The following ATXN2 variants were observed in gnomAD, a reference collection of about 807,000 sequenced individuals.
ATXN2 encodes ataxin-2.
ATXN2 carries 37 observed loss-of-function variants against 138.6 expected under a neutral mutation model. The observed-to-expected ratio is 0.27, with a 90% CI of 0.21 to 0.35. The LOEUF (loss-of-function observed/expected upper bound fraction) is 0.35. Ranked by LOEUF, ATXN2 falls within the 10% of genes least tolerant of loss-of-function variation. The probability of loss-of-function intolerance (pLI) is 1.00; values close to 1 mark genes in which losing one functional copy is unlikely to be tolerated. For missense variants in ATXN2, 1,216 were observed against 1,480.3 expected (o/e 0.82, Z 2.93); for synonymous variants, 549 against 543.7 (o/e 1.01, Z -0.13).
At chr12:111,585,587 C>G (rs1271476532) in intron 1 of ATXN2, among the ~76,000 whole-genome samples, 1 of 151,720 alleles carries the variant, frequency 6.6e-6, no homozygotes, top group East Asian at 1.9e-4. Context: ...GGCGGATCAC[C>G]TGAGGTCAGG....
rs746434226 is a variant in ATXN2 at position 111,552,258 on chromosome 12, T to A, written c.571+22A>T. 1 of 1,571,424 alleles carries A rather than the reference T, an allele frequency of 6.4e-7. No individual in the cohort carries two copies. ...AATAAATCTAATAAACCATGAGGCA[T>A]ATTTAGGAAATCAAAACCCACCTCT... On this transcript the variant is annotated intron_variant, in intron 5 of 24. Coordinates refer to ENST00000673436, the MANE Select transcript of ATXN2 (RefSeq NM_001372574.1). The surrounding 1 kb of genome is among the most constrained non-coding windows in gnomAD (Gnocchi z 4.1).
In ATXN2 at chr12:111,457,327, G is replaced by A. The variant is rs1470315811; in HGVS notation, c.2929C>T (p.His977Tyr). The A allele has an allele frequency of 1.9e-6, 3 of 1,613,694 alleles. No homozygotes were observed. The highest frequency in any genetic ancestry group is 2.5e-6 in the Non-Finnish European group (3 of 1,179,832). The part of the protein sequence containing the change: ...STGSLAQQYA[H>Y]PNATLHPHTP... The stretch of plus-strand genomic sequence containing the variant: ...TGTGGGTGCAGGGTAGCGTTAGGGT[G>A]CGCATACTGCTGAGCAAGGGAGCCC... The change falls in exon 22 of 25, where the codon CAC (histidine) becomes TAC (tyrosine). Residue 977 changes from histidine (H) to tyrosine (Y), a missense_variant. Around this residue, in one of 4 missense-constraint regions of ATXN2, gnomAD observed 490 missense variants for 653.5 expected, o/e 0.75. Transcript: ENST00000673436.
At position 111,599,308 on chromosome 12, in the gene ATXN2, C is replaced by A. The variant is rs1426372064; in HGVS notation, c.-274G>T. ...CAAAACAGTCTGAGGCGGAGGGAGG[C>A]GAGCTCTGCCGGGAGGGAGGGGGGC... On this transcript the variant is annotated 5_prime_UTR_variant, in exon 1 of 25. Coordinates refer to ENST00000673436, the MANE Select transcript of ATXN2 (RefSeq NM_001372574.1). The A allele has an allele frequency of 1.0e-6, 1 of 954,984 alleles. No homozygotes were observed. Among genetic ancestry groups the A allele is most frequent in the African/African-American group, 2.3e-5 (1 of 43,854 alleles). 59.2% of individuals were successfully genotyped at this position (954,984 alleles called of 1,614,324 possible).
At position 111,516,512 on chromosome 12, in the gene ATXN2, A is replaced by G. The variant is rs2135737062; in HGVS notation, c.1166-149T>C. 1 of 787,858 alleles carries G rather than the reference A, an allele frequency of 1.3e-6. No homozygotes were observed. Among genetic ancestry groups the G allele is most frequent in the South Asian group, 1.9e-5 (1 of 52,334 alleles). The allele number at this position is 787,858 out of a possible 1,614,324, so 48.8% of individuals were successfully genotyped here. On this transcript the variant is annotated intron_variant, in intron 9 of 24. Transcript: ENST00000673436. The surrounding 1 kb of genome is among the most constrained non-coding windows in gnomAD (Gnocchi z 5.0). ...AGTCATTTGATTTGTGATAAGTTTT[A>G]GCATAACTTAACTGACATAAATTCA... is the stretch of plus-strand genomic sequence containing the variant.
intron 19 of ATXN2, 146 bp from the exon 20 acceptor site, chr12:111,470,386 C>T (rs1876324713): frequency 2.5e-6 from 3 of 1,210,456 alleles, no homozygotes; most frequent in Non-Finnish European, 3.4e-6. Context: ...TTCCTCTGAA[C>T]CTCTTACAAT....
upstream of ATXN2, chr12:111,599,512 C>A (rs1287179400): frequency 8.2e-7 from 1 of 1,212,892 alleles, no homozygotes; most frequent in Non-Finnish European, 1.0e-6. Flanking sequence ...CCGCTGAGCG[C>A]ATCGGAGGGC....
intron 1 of ATXN2, among the ~76,000 whole-genome samples, chr12:111,587,724 G>A (rs1884415467): frequency 6.6e-6 from 1 of 152,024 alleles, no homozygotes; most frequent in South Asian, 2.1e-4. Context: ...TCAAGGCAAT[G>A]GTTTCAGGAG....
intron 1 of ATXN2, chr12:111,581,563 G>A: frequency 1.1e-6 from 1 of 901,322 alleles, no homozygotes; most frequent in Non-Finnish European, 1.9e-6. Flanking sequence ...TCTGGTCCCT[G>A]TTCAACACCC....
intron 10 of ATXN2, among the ~76,000 whole-genome samples, chr12:111,515,490 G>A (rs1044766542): frequency 6.6e-6 from 1 of 152,074 alleles, no homozygotes; most frequent in Non-Finnish European, 1.5e-5. Context: ...TCTTATTTTT[G>A]ACGAGGAAAG....
intron 14 of ATXN2, among the ~76,000 whole-genome samples, chr12:111,490,957 G>A (rs1429188332): frequency 2.6e-5 from 4 of 152,090 alleles, no homozygotes; most frequent in African/African-American, 9.7e-5. Context: ...CCATCCCAGT[G>A]ATTAGAATCT....
In ATXN2 at chr12:111,516,923, T is replaced by G. The variant is rs1171960152; in HGVS notation, c.1166-560A>C. On this transcript the variant is annotated intron_variant, in intron 9 of 24. Coordinates refer to ENST00000673436, the MANE Select transcript of ATXN2 (RefSeq NM_001372574.1). This position sits in a 1 kb window ranked among gnomAD's most constrained non-coding sequence, Gnocchi z 5.0. ...TCTTATTAAGCAAGTCCCATTTAAG[T>G]AGAAATAAAACATTACTCTTCTAGA... Among the ~76,000 whole-genome samples the G allele has an allele frequency of 6.6e-6, 1 of 152,174 alleles. No individual in the cohort carries two copies. Among genetic ancestry groups the G allele is most frequent in the African/African-American group, 2.4e-5 (1 of 41,452 alleles).
chr12:111,490,291 T>TA (rs1877938877), intron 14 of ATXN2, among the ~76,000 whole-genome samples: 1 of 151,830 alleles, frequency 6.6e-6, no homozygotes, highest in African/African-American at 2.4e-5. Flanking sequence ...GGGCAGTCTA[T>TA]ACGGAATTTT....
At chr12:111,519,727 T>G in intron 8 of ATXN2, 152 bp downstream of exon 8, 1 of 1,368,878 alleles carries the variant, frequency 7.3e-7, no homozygotes, top group South Asian at 1.5e-5. Context: ...AAGATCACCA[T>G]AACCTTTTCT....
rs1274615482 is a variant in ATXN2, at chr12:111,456,048, T to G, written c.3251A>C (p.His1084Pro). 1 of 1,614,076 alleles carries G rather than the reference T, an allele frequency of 6.2e-7. No individual in the cohort carries two copies. The highest frequency in any genetic ancestry group is 1.7e-5 in the Admixed American group (1 of 59,994). ...HVQPAYTNPPHMAHVPQAHVQ... is the reference protein window; with the variant it reads ...HVQPAYTNPPPMAHVPQAHVQ... ...TATTACCTGAGGTACGTGGGCCATGTGGGGTGGGTTGGTATACGCCGGCTG... is the reference window on the plus strand; with the variant it reads ...TATTACCTGAGGTACGTGGGCCATGGGGGGTGGGTTGGTATACGCCGGCTG... Residue 1084 changes from histidine (H) to proline (P), a missense_variant, in exon 23 of 25, where the codon CAC becomes CCC. Transcript: ENST00000673436.
chr12:111,497,261 G>A (rs1272022972), intron 14 of ATXN2, among the ~76,000 whole-genome samples: 1 of 152,164 alleles, frequency 6.6e-6, no homozygotes, highest in Non-Finnish European at 1.5e-5. Flanking sequence ...GAAAAGCCAT[G>A]GACCTGATGG....
At chr12:111,585,647 A>C (rs1205482300) in intron 1 of ATXN2, among the ~76,000 whole-genome samples, 2 of 151,884 alleles carry the variant, frequency 1.3e-5, no homozygotes, top group Admixed American at 1.3e-4. Flanking sequence ...TCTACTAAAA[A>C]TACAAAAATT....
At chr12:111,541,731 A>C (rs192143485) in intron 5 of ATXN2, among the ~76,000 whole-genome samples, 3 of 149,054 alleles carry the variant, frequency 2.0e-5, no homozygotes, top group South Asian at 4.3e-4. Context: ...TAATACACAT[A>C]ATCTAATAAG....
At position 111,518,383 on chromosome 12, in the gene ATXN2, A is replaced by G. The variant is rs1879971647; in HGVS notation, c.1031T>C (p.Ile344Thr). 4 of 1,612,716 alleles carry G rather than the reference A, an allele frequency of 2.5e-6. No homozygotes were observed. The South Asian group carries it at 4.4e-5, about 18-fold the overall frequency. The change falls in exon 9 of 25, where the codon ATA becomes ACA. Residue 344 changes from isoleucine (I) to threonine (T), a missense_variant. Around this residue, in one of 4 missense-constraint regions of ATXN2, gnomAD observed 401 missense variants for 528.1 expected, o/e 0.76. Coordinates refer to ENST00000673436, the MANE Select transcript of ATXN2 (RefSeq NM_001372574.1). ...IPPGQRNREVISWGSGRQNSP... is the reference protein window; with the variant it reads ...IPPGQRNREVTSWGSGRQNSP... ...ATTCTGTCTCCCACTTCCCCAGGAT[A>G]TGACTTCTCTATTTCTTTGTCCAGG...
At chr12:111,574,308 CAA>C (rs997437123) in intron 1 of ATXN2, among the ~76,000 whole-genome samples, 22 of 32,590 alleles carry the variant, frequency 6.8e-4, no homozygotes, top group African/African-American at 1.8e-3. Context: ...ACTCTGTCTC[CAA>C]AAAAAAAAAA....
Sources: allele counts gnomAD v4.1 joint callset (sites outside exome capture counted in the v4.1 genomes callset), GRCh38; gene constraint gnomAD v4.1.1; regional missense constraint gnomAD v4.1.1; non-coding constraint Gnocchi (gnomAD v3.1); transcripts MANE v1.5; gene names NCBI Gene and HGNC (gene_info 2026-07-23, HGNC 2026-07-21).